DLC1: variants seen among roughly 807,000 people sequenced by gnomAD.
The protein encoded by DLC1 is rho GTPase-activating protein 7.
DLC1 carries 54 observed loss-of-function variants against 140.3 expected under a neutral mutation model. That is an observed-to-expected ratio of 0.38 (90% CI 0.31 to 0.48). The LOEUF is 0.48. DLC1 is among the 20% of genes least tolerant of loss of function. The probability of loss-of-function intolerance (pLI) is 0.96; values close to 1 mark genes in which losing one functional copy is unlikely to be tolerated. For missense variants in DLC1, 2,536 were observed against 1,907.0 expected (o/e 1.33, Z -6.14); for synonymous variants, 986 against 728.1 (o/e 1.35, Z -5.70).
chr8:13,546,491 T>C (rs1803652968), intron 1 of DLC1, among the ~76,000 whole-genome samples: 2 of 152,180 alleles, frequency 1.3e-5, no homozygotes, highest in South Asian at 4.1e-4. Context: ...CTACAAATTT[T>C]ACAAGATCAT....
chr8:13,291,047 A>G (rs1831737004), intron 5 of DLC1, among the ~76,000 whole-genome samples: 1 of 152,192 alleles, frequency 6.6e-6, no homozygotes, highest in African/African-American at 2.4e-5. Flanking sequence ...AGCTGCGATT[A>G]CAAGTATGTG....
intron 5 of DLC1, among the ~76,000 whole-genome samples, chr8:13,161,245 A>G (rs1824673846): frequency 6.6e-6 from 1 of 152,220 alleles, no homozygotes; most frequent in Non-Finnish European, 1.5e-5. Flanking sequence ...ACAGGAGCAT[A>G]GTAAGTGCGA....
intron 4 of DLC1, among the ~76,000 whole-genome samples, chr8:13,306,917 C>T (rs947528988): frequency 2.6e-5 from 4 of 151,540 alleles, no homozygotes; most frequent in Non-Finnish European, 5.9e-5. Flanking sequence ...AACCCCGCCT[C>T]TACTAAAAAT....
At chr8:13,269,701 CAAAAAAA>C (rs57030004) in intron 5 of DLC1, among the ~76,000 whole-genome samples, 11 of 99,472 alleles carry the variant, frequency 1.1e-4, no homozygotes, top group East Asian at 2.3e-4. Context: ...AAAACTCTGT[CAAAAAAA>C]AAAAAAAAAA....
chr8:13,190,078 C>G (rs6987722), intron 5 of DLC1, among the ~76,000 whole-genome samples: 99,451 of 152,036 alleles, frequency 0.65, 32,983 homozygotes, highest in East Asian at 0.86. Context: ...GAAACTAACT[C>G]TAATGCAATT....
intron 3 of DLC1, 62 bp downstream of exon 3, chr8:13,401,408 G>T (rs1157798102): frequency 6.4e-7 from 1 of 1,573,842 alleles, no homozygotes; most frequent in South Asian, 1.2e-5. Flanking sequence ...TTGCAAGAGG[G>T]ACTGTATAAG....
rs751197729 is a variant in DLC1, at chr8:13,110,769, T to A, written c.1475A>T (p.Asp492Val). The A allele has an allele frequency of 2.2e-5, 35 of 1,613,908 alleles. No homozygotes were observed. The highest frequency in any genetic ancestry group is 2.6e-5 in the Non-Finnish European group (31 of 1,180,000). ...GCATAGAGCCTCAATGGCATCTCTG[T>A]CCAAAAAATCATGCTCTCTCTTGAC... is the stretch of plus-strand genomic sequence containing the variant. ...SLVKREHDFL[D>V]RDAIEALCRR... is the part of the protein sequence containing the mutation. Residue 492 changes from aspartate (D) to valine (V), a missense_variant, in exon 7 of 18, where the codon GAC becomes GTC. By Grantham distance (152) the Asp-to-Val change is radical. Transcript: ENST00000276297.
intron 5 of DLC1, among the ~76,000 whole-genome samples, chr8:13,242,968 G>C (rs1259680082): frequency 2.6e-5 from 4 of 151,906 alleles, no homozygotes; most frequent in Non-Finnish European, 5.9e-5. Context: ...TGGATCATGG[G>C]GTGGATTTCC....
intron 1 of DLC1, among the ~76,000 whole-genome samples, chr8:13,511,419 C>T (rs7006560): frequency 0.078 from 11,919 of 151,992 alleles, 668 homozygotes; most frequent in East Asian, 0.17. Flanking sequence ...TTTAACTGGG[C>T]CTCAAGGTCC....
chr8:13,589,179 C>T (rs181569061), intron 1 of DLC1, among the ~76,000 whole-genome samples: 10 of 152,090 alleles, frequency 6.6e-5, no homozygotes, highest in Admixed American at 1.3e-4. Flanking sequence ...AACAGGCTGT[C>T]GTCAGTTTAT....
intron 1 of DLC1, chr8:13,566,732 A>C (rs1804442962): frequency 2.1e-6 from 1 of 482,118 alleles, no homozygotes. Context: ...ACAGGGCAAA[A>C]TCGCCAACCC....
intron 2 of DLC1, among the ~76,000 whole-genome samples, chr8:13,436,230 A>G (rs1343563390): frequency 2.0e-5 from 3 of 152,182 alleles, no homozygotes; most frequent in Middle Eastern, 3.2e-3. Context: ...TTCTATCATT[A>G]TTTTCCTACT....
At chr8:13,550,181 G>A (rs893787104) in intron 1 of DLC1, among the ~76,000 whole-genome samples, 1 of 151,938 alleles carries the variant, frequency 6.6e-6, no homozygotes, top group African/African-American at 2.4e-5. Context: ...ATTGGATTAT[G>A]GGGGGCAGTT....
intron 5 of DLC1, among the ~76,000 whole-genome samples, chr8:13,216,671 G>C (rs573980839): frequency 2.0e-5 from 3 of 152,152 alleles, no homozygotes; most frequent in African/African-American, 7.2e-5. Context: ...GTTTAGCCCA[G>C]GGTTTCTCAA....
chr8:13,582,576 C>T (rs1304772778), intron 1 of DLC1, among the ~76,000 whole-genome samples: 1 of 152,094 alleles, frequency 6.6e-6, no homozygotes, highest in African/African-American at 2.4e-5. Flanking sequence ...GAACATCAGA[C>T]TCAAAGTTCA....
intron 2 of DLC1, among the ~76,000 whole-genome samples, chr8:13,440,791 C>A (rs1798472183): frequency 6.6e-6 from 1 of 152,068 alleles, no homozygotes. Context: ...GGGGATTCTG[C>A]ATTTGCTTCT....
intron 5 of DLC1, among the ~76,000 whole-genome samples, chr8:13,235,551 C>T (rs79975421): frequency 0.093 from 14,084 of 151,998 alleles, 752 homozygotes; most frequent in South Asian, 0.13. Context: ...GGTCTATTTT[C>T]TTGTACAAAT....
intron 4 of DLC1, among the ~76,000 whole-genome samples, chr8:13,324,835 C>T (rs981030700): frequency 6.6e-6 from 1 of 151,988 alleles, no homozygotes; most frequent in Non-Finnish European, 1.5e-5. Flanking sequence ...TCCTTTGAAT[C>T]TTGAAGGTGT....
chr8:13,328,089 G>C (rs1285846982), intron 4 of DLC1, among the ~76,000 whole-genome samples: 1 of 152,188 alleles, frequency 6.6e-6, no homozygotes, highest in Non-Finnish European at 1.5e-5. Context: ...AGATGATGCT[G>C]CTGAGGCGGT....
Sources: gnomAD v4.1 joint callset for allele counts (sites outside exome capture counted in the v4.1 genomes callset) on GRCh38, gnomAD v4.1.1 for gene constraint, MANE v1.5 for transcripts, NCBI Gene and HGNC (gene_info 2026-07-23, HGNC 2026-07-21) for gene names.